The following ASAP2 variants were observed in gnomAD, a reference collection of about 807,000 sequenced individuals.
ASAP2 encodes the protein arf-GAP with SH3 domain, ANK repeat and PH domain-containing protein 2.
ASAP2 carries 45 observed loss-of-function variants against 131.4 expected under a neutral mutation model. The observed-to-expected ratio is 0.34, with a 90% CI of 0.27 to 0.44. The LOEUF (loss-of-function observed/expected upper bound fraction) is 0.44, where lower values mean the gene tolerates loss of function less well. Among genes scored for constraint, ASAP2 ranks in the 20% least tolerant of loss-of-function variants. ASAP2 has a pLI of 1.00. For synonymous variants in ASAP2, 510 were observed against 503.0 expected, an observed-to-expected ratio of 1.01 and a Z score of -0.19; for missense variants, 1,011 against 1,297.0, an observed-to-expected ratio of 0.78 and a Z score of 3.39.
At chr2:9,331,744 G>C (rs1670855718) in intron 7 of ASAP2, among the ~76,000 whole-genome samples, 1 of 152,016 alleles carries the variant, frequency 6.6e-6, no homozygotes, top group South Asian at 2.1e-4. Context: ...CCCCAGCCTG[G>C]GCGACAGAGC....
At chr2:9,226,608 C>G (rs976985131) in intron 1 of ASAP2, among the ~76,000 whole-genome samples, 1 of 152,202 alleles carries the variant, frequency 6.6e-6, no homozygotes, top group Non-Finnish European at 1.5e-5. Flanking sequence ...GCTCTGGATG[C>G]TGGCCTCTGC....
intron 24 of ASAP2, among the ~76,000 whole-genome samples, chr2:9,395,502 G>A (rs1242063107): frequency 2.0e-5 from 3 of 150,092 alleles, no homozygotes; most frequent in Admixed American, 1.3e-4. Context: ...AGAATTTGGA[G>A]ACTAGGCACC....
rs143852559 is a variant in ASAP2 at position 9,318,399 on chromosome 2, A to G, written c.346-125A>G. The G allele has an allele frequency of 4.4e-3, 3,059 of 700,910 alleles. 22 individuals are homozygous for G. Among genetic ancestry groups the G allele is most frequent in the South Asian group, 7.1e-3 (425 of 59,832 alleles). The allele number at this position is 700,910 out of a possible 1,614,324, so 43.4% of individuals were successfully genotyped here. On this transcript the variant is annotated intron_variant, in intron 3 of 27. Transcript: ENST00000281419. ...TGTATGACTGAATAAGGCACAGTAC[A>G]TGCACCGGCCAGGTTTTAGGTGGAG... is the stretch of plus-strand genomic sequence containing the variant.
At chr2:9,276,054 G>A (rs530337345) in intron 1 of ASAP2, among the ~76,000 whole-genome samples, 1 of 152,142 alleles carries the variant, frequency 6.6e-6, no homozygotes, top group Non-Finnish European at 1.5e-5. Context: ...TGTTTTCATC[G>A]TTAATTTGTG....
intron 3 of ASAP2, among the ~76,000 whole-genome samples, chr2:9,302,362 G>A (rs1348856940): frequency 2.6e-5 from 4 of 151,122 alleles, no homozygotes; most frequent in Non-Finnish European, 4.4e-5. Flanking sequence ...TAGCAGAGAC[G>A]GAGTTTGACT....
chr2:9,279,297 CTG>C lies in ASAP2; in HGVS notation c.127-18_127-17del. On this transcript the variant is annotated intron_variant, in intron 1 of 27. Coordinates refer to ENST00000281419, the MANE Select transcript of ASAP2 (RefSeq NM_003887.3). ...TCTCAGCACAGACACGGTTTAATGA[CTG>C]TATTCTCTACATTTTAGGCTTTGGA... 6.2e-7 allele frequency: 1 copy of C among 1,611,614 alleles called. No individual in the cohort carries two copies. Among genetic ancestry groups the C allele is most frequent in the Non-Finnish European group, 8.5e-7 (1 of 1,177,730 alleles).
At chr2:9,216,453 ATTTTTTT>A (rs999787414) in intron 1 of ASAP2, among the ~76,000 whole-genome samples, 96 of 85,422 alleles carry the variant, frequency 1.1e-3, no homozygotes, top group Non-Finnish European at 1.5e-3. Context: ...TGCCTGTTTA[ATTTTTTT>A]TTTTTTTTTT....
chr2:9,352,212 A>AACACACACACACACACAC (rs58275721), intron 12 of ASAP2, among the ~76,000 whole-genome samples: 6 of 149,966 alleles, frequency 4.0e-5, no homozygotes, highest in African/African-American at 1.2e-4. Flanking sequence ...AACACACACA[A>AACACACACACACACACAC]ACACACACAC....
chr2:9,286,362 C>T (rs555169590), intron 2 of ASAP2, among the ~76,000 whole-genome samples: 1 of 151,604 alleles, frequency 6.6e-6, no homozygotes, highest in African/African-American at 2.4e-5. Context: ...TGCACCACTG[C>T]ACTTCATCCT....
At chr2:9,209,843 A>G (rs1302318578) in intron 1 of ASAP2, among the ~76,000 whole-genome samples, 3 of 152,372 alleles carry the variant, frequency 2.0e-5, no homozygotes, top group Non-Finnish European at 4.4e-5. Flanking sequence ...TGCTGGGATT[A>G]CAGGCGTGAG....
intron 24 of ASAP2, among the ~76,000 whole-genome samples, chr2:9,398,066 A>G (rs1347734465): frequency 6.6e-6 from 1 of 151,740 alleles, no homozygotes; most frequent in Admixed American, 6.6e-5. Flanking sequence ...CCTCAAAAGG[A>G]TATTTTGTGG....
At chr2:9,341,905 C>A (rs1031937714) in intron 9 of ASAP2, among the ~76,000 whole-genome samples, 2 of 152,120 alleles carry the variant, frequency 1.3e-5, no homozygotes, top group African/African-American at 4.8e-5. Context: ...GTTCATTTCT[C>A]CCCTCCTGGG....
intron 1 of ASAP2, among the ~76,000 whole-genome samples, chr2:9,247,943 A>G (rs573137438): frequency 9.2e-4 from 140 of 152,294 alleles, no homozygotes; most frequent in Non-Finnish European, 1.8e-3. Context: ...CCCAGCTCTC[A>G]GGCATAATTA....
chr2:9,261,906 TCA>T (rs1665600331), intron 1 of ASAP2, among the ~76,000 whole-genome samples: 1 of 152,228 alleles, frequency 6.6e-6, no homozygotes, highest in Non-Finnish European at 1.5e-5. Context: ...CCTTTAACCC[TCA>T]GTGTTCAAGA....
intron 1 of ASAP2, among the ~76,000 whole-genome samples, chr2:9,251,903 C>G (rs181382704): frequency 6.6e-6 from 1 of 152,078 alleles, no homozygotes; most frequent in Non-Finnish European, 1.5e-5. Context: ...GAATGAGAAG[C>G]CTGTGCCCAC....
intron 16 of ASAP2, 58 bp from the exon 17 acceptor site, chr2:9,374,697 G>T (rs2148714472): frequency 6.7e-7 from 1 of 1,494,052 alleles, no homozygotes; most frequent in Non-Finnish European, 9.1e-7. Flanking sequence ...GACAAAGGGA[G>T]GCCGGACGGC....
chr2:9,385,344 G>T lies in ASAP2; in HGVS notation c.2116G>T (p.Asp706Tyr). The T allele has an allele frequency of 6.2e-7, 1 of 1,613,706 alleles. No homozygotes were observed. The highest frequency in any genetic ancestry group is 1.1e-5 in the South Asian group (1 of 91,082). ...EDLDESDDDMDEKLQPSPNRR... is the reference protein window; with the variant it reads ...EDLDESDDDMYEKLQPSPNRR... ...CCTGGATGAAAGTGATGACGACATG[G>T]ATGAGAAATTGCAGGTCTGTGCCAG... is the stretch of plus-strand genomic sequence containing the variant. The change falls in exon 21 of 28, where the codon GAT (aspartate) becomes TAT (tyrosine). Residue 706 changes from aspartate to tyrosine, a missense_variant. Transcript: ENST00000281419.
chr2:9,245,568 C>T (rs1011402416), intron 1 of ASAP2, among the ~76,000 whole-genome samples: 1 of 152,226 alleles, frequency 6.6e-6, no homozygotes, highest in South Asian at 2.1e-4. Context: ...TATCACTATA[C>T]ATCTTCCTGA....
chr2:9,336,914 T>G (rs1197702790), intron 9 of ASAP2, among the ~76,000 whole-genome samples: 1 of 152,168 alleles, frequency 6.6e-6, no homozygotes, highest in African/African-American at 2.4e-5. Flanking sequence ...AAGCTCAGGT[T>G]TAAAATAAGG....
Sources: allele counts gnomAD v4.1 joint callset (sites outside exome capture counted in the v4.1 genomes callset), GRCh38; gene constraint gnomAD v4.1.1; transcripts MANE v1.5; gene names NCBI Gene and HGNC (gene_info 2026-07-23, HGNC 2026-07-21).